Variants in CNTNAP3B observed in about 807,000 individuals in gnomAD.
CNTNAP3B encodes contactin associated protein family member 3B.
A neutral mutation model predicts 108.9 loss-of-function variants in CNTNAP3B; 25 were observed. The ratio of observed to expected loss-of-function variants is 0.23; its 90% CI spans 0.17 to 0.32. CNTNAP3B has a LOEUF of 0.32. Ranked by LOEUF, CNTNAP3B falls within the 10% of genes least tolerant of loss-of-function variation. The pLI is 1.00. For missense variants in CNTNAP3B, 252 were observed against 1,210.4 expected (o/e 0.21, Z 11.75); for synonymous variants, 103 against 473.4 (o/e 0.22, Z 10.16).
rs1823598697 is a variant in CNTNAP3B at position 41,919,154 on chromosome 9, A to G, written c.2995+916T>C. Among the ~76,000 whole-genome samples, 3 of 152,004 alleles carry G rather than the reference A, an allele frequency of 2.0e-5. No individual in the cohort carries two copies. In the South Asian group the frequency reaches 6.2e-4, roughly 32 times the overall value. ...TTCCTTTTCTTTTTTTTTTTCCCCA[A>G]GACGGAGTCTCACTCTGTCGCCCAG... is the stretch of plus-strand genomic sequence containing the variant. On this transcript the variant is annotated intron_variant, in intron 18 of 23. Coordinates refer to ENST00000377561, the MANE Select transcript of CNTNAP3B (RefSeq NM_001201380.3).
intron 17 of CNTNAP3B, among the ~76,000 whole-genome samples, chr9:41,921,062 T>A (rs891807899): frequency 6.6e-6 from 1 of 152,308 alleles, no homozygotes; most frequent in African/African-American, 2.4e-5. Flanking sequence ...TTCTGGAAAA[T>A]GCAGTTTTTA....
intron 13 of CNTNAP3B, among the ~76,000 whole-genome samples, chr9:41,942,731 G>A (rs1232080176): frequency 6.6e-6 from 1 of 152,224 alleles, no homozygotes; most frequent in Non-Finnish European, 1.5e-5. Flanking sequence ...GATTAAAAAT[G>A]AAAGAGCTGT....
rs567533810 is a variant in CNTNAP3B at position 42,126,013 on chromosome 9, C to G, written c.85+2997G>C. Among the ~76,000 whole-genome samples the G allele has an allele frequency of 4.4e-3, 579 of 131,250 alleles. 79 individuals carry two copies. Among genetic ancestry groups the G allele is most frequent in the Non-Finnish European group, 6.8e-3 (424 of 62,640 alleles). The allele number at this position is 131,250 out of a possible 152,430, so 86.1% of individuals were successfully genotyped here. A position where few individuals can be genotyped will look rare whatever the true frequency, so the allele number is the denominator to read the frequency against. ...TCTTAAAATGGTATTACTAAAAGGTCCAAAATGAAACATCTGTAAAAATAA... is the reference window on the plus strand; with the variant it reads ...TCTTAAAATGGTATTACTAAAAGGTGCAAAATGAAACATCTGTAAAAATAA... On this transcript the variant is annotated intron_variant, in intron 1 of 23. Transcript: ENST00000377561.
chr9:41,927,531 G>C (rs1302703958), intron 15 of CNTNAP3B, among the ~76,000 whole-genome samples: 5 of 150,294 alleles, frequency 3.3e-5, no homozygotes, highest in African/African-American at 7.3e-5. Context: ...GGAAGGGAAG[G>C]AGAGAAAGAG....
At chr9:41,941,732 G>A (rs1262061718) in intron 13 of CNTNAP3B, among the ~76,000 whole-genome samples, 3 of 146,026 alleles carry the variant, frequency 2.1e-5, no homozygotes, top group Non-Finnish European at 4.5e-5. Flanking sequence ...CAAAGCAGAT[G>A]GTGGAGTCTG....
intron 1 of CNTNAP3B, among the ~76,000 whole-genome samples, chr9:42,125,460 C>A (rs1828546218): frequency 7.0e-6 from 1 of 141,862 alleles, no homozygotes; most frequent in Non-Finnish European, 1.5e-5. Flanking sequence ...GATGCCTAAG[C>A]TGAACTGAAT....
intron 2 of CNTNAP3B, among the ~76,000 whole-genome samples, chr9:42,097,010 C>A (rs1318646524): frequency 7.3e-6 from 1 of 136,186 alleles, no homozygotes; most frequent in Admixed American, 7.3e-5. Flanking sequence ...CCTCAGCCTC[C>A]CAAAGTGCTG....
chr9:41,941,263 G>A lies in CNTNAP3B; in HGVS notation c.2081-2863C>T, dbSNP rs1404489944. ...AAAATATAACAAAAGTTAGATGCTG[G>A]CAGAATCAACTGAAAAAAAAATAAC... On this transcript the variant is annotated intron_variant, in intron 13 of 23. Transcript: ENST00000377561. Among the ~76,000 whole-genome samples the A allele has an allele frequency of 7.4e-5, 11 of 149,066 alleles. 1 individual carries two copies. The highest frequency in any genetic ancestry group is 2.7e-4 in the African/African-American group (11 of 40,398).
chr9:41,960,074 T>G (rs1486314700), intron 12 of CNTNAP3B: 1 of 154,640 alleles, frequency 6.5e-6, no homozygotes, highest in African/African-American at 2.4e-5. Flanking sequence ...CTTGGCTCAC[T>G]GCAACCTCTG....
At chr9:42,088,677 G>GA (rs960149545) in intron 2 of CNTNAP3B, among the ~76,000 whole-genome samples, 11 of 135,942 alleles carry the variant, frequency 8.1e-5, no homozygotes, top group South Asian at 2.4e-4. Flanking sequence ...CAAATCTGAG[G>GA]AAAAAAAAGC....
chr9:42,077,180 A>G, intron 2 of CNTNAP3B, 118 bp from the exon 3 acceptor site: 1 of 572,640 alleles, frequency 1.7e-6, no homozygotes, highest in Non-Finnish European at 2.7e-6. Flanking sequence ...ATCGATTTAC[A>G]ATAGAAAAAA....
intron 12 of CNTNAP3B, among the ~76,000 whole-genome samples, chr9:41,954,159 C>A (rs1272717876): frequency 6.6e-6 from 1 of 152,266 alleles, no homozygotes; most frequent in Admixed American, 6.5e-5. Context: ...CCTTTAACCT[C>A]TAATAAGATG....
At chr9:42,066,686 TG>T (rs1440156192) in intron 3 of CNTNAP3B, among the ~76,000 whole-genome samples, 1 of 130,444 alleles carries the variant, frequency 7.7e-6, no homozygotes, top group Non-Finnish European at 1.6e-5. Context: ...CCCAAAGTGC[TG>T]GGATTACAGG....
intron 12 of CNTNAP3B, chr9:41,960,408 A>G: frequency 5.3e-6 from 1 of 189,718 alleles, no homozygotes; most frequent in Non-Finnish European, 1.1e-5. Context: ...TGCACATAGA[A>G]CATTAACATA....
chr9:41,966,204 CTT>C (rs2118239212), intron 10 of CNTNAP3B, among the ~76,000 whole-genome samples: 1 of 152,416 alleles, frequency 6.6e-6, no homozygotes, highest in South Asian at 2.1e-4. Flanking sequence ...CCTCCCCTTC[CTT>C]CTTAATATAA....
In CNTNAP3B at chr9:42,012,042, C is replaced by G. The variant is rs1234424344; in HGVS notation, c.538+1336G>C. Among the ~76,000 whole-genome samples, 6 of 98,514 alleles carry G rather than the reference C, an allele frequency of 6.1e-5. 2 individuals carry two copies. Among genetic ancestry groups the G allele is most frequent in the Non-Finnish European group, 1.3e-4 (6 of 46,354 alleles). The allele number at this position is 98,514 out of a possible 152,430, so 64.6% of individuals were successfully genotyped here. On this transcript the variant is annotated intron_variant, in intron 4 of 23. Transcript: ENST00000377561. ...CACCGGCCCTTCCTGGAATCAGGCA[C>G]AGGGCTTTGATCTTCCTGGTACCAA...
rs1284277888 is a variant in CNTNAP3B at position 42,054,539 on chromosome 9, T to C, written c.390+22330A>G. Among the ~76,000 whole-genome samples, 17 of 151,880 alleles carry C rather than the reference T, an allele frequency of 1.1e-4. No homozygotes were observed. In the East Asian group the frequency reaches 1.6e-3, roughly 14 times the overall value. On this transcript the variant is annotated intron_variant, in intron 3 of 23. Coordinates refer to ENST00000377561, the MANE Select transcript of CNTNAP3B (RefSeq NM_001201380.3). ...AGCACCTTGTACTTGGCCAGGTGTTTGTTAGGGGCTATTTTAGAAACAGCA... is the reference window on the plus strand; with the variant it reads ...AGCACCTTGTACTTGGCCAGGTGTTCGTTAGGGGCTATTTTAGAAACAGCA...
chr9:42,060,130 C>T (rs1196739911), intron 3 of CNTNAP3B, among the ~76,000 whole-genome samples: 2 of 141,330 alleles, frequency 1.4e-5, no homozygotes, highest in Non-Finnish European at 3.1e-5. Flanking sequence ...TTCAACTTTT[C>T]ACCACTGAAT....
At chr9:42,041,814 T>C (rs1476348065) in intron 3 of CNTNAP3B, among the ~76,000 whole-genome samples, 1 of 142,758 alleles carries the variant, frequency 7.0e-6, no homozygotes. Flanking sequence ...CTATCTGCAA[T>C]AGCAAAGACT....
Sources: gnomAD v4.1 joint callset for allele counts (sites outside exome capture counted in the v4.1 genomes callset) on GRCh38, gnomAD v4.1.1 for gene constraint, MANE v1.5 for transcripts, NCBI Gene and HGNC (gene_info 2026-07-23, HGNC 2026-07-21) for gene names.